The following ANKS1B variants were observed in gnomAD, a reference collection of about 807,000 sequenced individuals.
ANKS1B encodes the protein ankyrin repeat and sterile alpha motif domain containing 1B, also known as ankyrin repeat and sterile alpha motif domain-containing protein 1B.
Under a neutral mutation model 148.3 loss-of-function variants are expected in ANKS1B, and 36 were observed. The observed-to-expected ratio is 0.24, with a 90% CI of 0.19 to 0.32. ANKS1B has a LOEUF of 0.32. Among genes scored for constraint, ANKS1B ranks in the 10% least tolerant of loss-of-function variants. The pLI, the probability that ANKS1B is intolerant of heterozygous loss-of-function variation, is 1.00. For missense variants in ANKS1B, 1,157 were observed against 1,542.6 expected, an observed-to-expected ratio of 0.75 and a Z score of 4.19; for synonymous variants, 542 against 560.8, an observed-to-expected ratio of 0.97 and a Z score of 0.47.
In ANKS1B at chr12:99,984,270, C is replaced by A; in HGVS notation, c.-33G>T. 6.3e-7 allele frequency: 1 copy of A among 1,592,954 alleles called. No individual in the cohort carries two copies. The highest frequency in any genetic ancestry group is 1.7e-5 in the Admixed American group (1 of 59,022). ...CACCGACTCCCCCACAGAGTCCTTGCCCCCCTCGGGTCCTCCTCCCCACCC... is the reference window on the plus strand; with the variant it reads ...CACCGACTCCCCCACAGAGTCCTTGACCCCCTCGGGTCCTCCTCCCCACCC... On this transcript the variant is annotated 5_prime_UTR_variant, in exon 1 of 27. Transcript: ENST00000683438.
intron 1 of ANKS1B, among the ~76,000 whole-genome samples, chr12:99,965,822 G>GT (rs1447359964): frequency 2.6e-5 from 4 of 152,190 alleles, no homozygotes; most frequent in Non-Finnish European, 5.9e-5. Context: ...TGAGGCACAA[G>GT]AATCGCTTGA....
chr12:98,799,904 T>A (rs191178145), intron 21 of ANKS1B, among the ~76,000 whole-genome samples: 2 of 150,636 alleles, frequency 1.3e-5, no homozygotes, highest in Admixed American at 1.3e-4. Context: ...AAAAAGTGAA[T>A]TACAATAATT....
chr12:98,782,872 C>T (rs4995154), intron 22 of ANKS1B, among the ~76,000 whole-genome samples: 12 of 152,270 alleles, frequency 7.9e-5, no homozygotes, highest in Admixed American at 6.5e-4. Flanking sequence ...GTTAGAAACT[C>T]GTTTTAATGC....
At chr12:99,260,351 A>G (rs73140991) in intron 12 of ANKS1B, among the ~76,000 whole-genome samples, 13,317 of 152,258 alleles carry the variant, frequency 0.087, 788 homozygotes, top group South Asian at 0.14. Flanking sequence ...TTTGAATTCA[A>G]AGTCACCCAA....
chr12:99,051,061 C>T (rs2153524638), intron 17 of ANKS1B, among the ~76,000 whole-genome samples: 1 of 152,192 alleles, frequency 6.6e-6, no homozygotes, highest in South Asian at 2.1e-4. Flanking sequence ...GTGGATCAGT[C>T]CCTAAGCCCC....
intron 20 of ANKS1B, among the ~76,000 whole-genome samples, chr12:98,804,747 A>G (rs2099036717): frequency 6.6e-6 from 1 of 152,218 alleles, no homozygotes; most frequent in South Asian, 2.1e-4. Flanking sequence ...GTCAAAAAAG[A>G]AAGATTTTTG....
intron 1 of ANKS1B, among the ~76,000 whole-genome samples, chr12:99,903,242 C>T (rs1196658262): frequency 6.6e-6 from 1 of 152,190 alleles, no homozygotes; most frequent in Admixed American, 6.5e-5. Flanking sequence ...CCAGCTAGGG[C>T]ATTGGACAAC....
At chr12:99,474,484 C>A (rs1385535118) in intron 10 of ANKS1B, among the ~76,000 whole-genome samples, 1 of 151,866 alleles carries the variant, frequency 6.6e-6, no homozygotes, top group Non-Finnish European at 1.5e-5. Context: ...CCAATAAAAA[C>A]CAAACATGGG....
intron 4 of ANKS1B, among the ~76,000 whole-genome samples, chr12:99,801,204 CT>C (rs1446510646): frequency 6.6e-6 from 1 of 152,168 alleles, no homozygotes; most frequent in Non-Finnish European, 1.5e-5. Context: ...TGAGCTTTCT[CT>C]CTTATGCACA....
At chr12:99,541,228 A>T (rs985042167) in intron 9 of ANKS1B, among the ~76,000 whole-genome samples, 2 of 151,942 alleles carry the variant, frequency 1.3e-5, no homozygotes, top group Non-Finnish European at 2.9e-5. Context: ...ATGCTTCTTT[A>T]AAAAAAACAA....
chr12:99,139,886 C>T (rs1287880962), intron 15 of ANKS1B, among the ~76,000 whole-genome samples: 1 of 152,072 alleles, frequency 6.6e-6, no homozygotes, highest in African/African-American at 2.4e-5. Context: ...TTAACAAAGG[C>T]TTATCTACTT....
chr12:98,842,607 A>G (rs1206676933), intron 17 of ANKS1B, among the ~76,000 whole-genome samples: 1 of 152,202 alleles, frequency 6.6e-6, no homozygotes, highest in Non-Finnish European at 1.5e-5. Flanking sequence ...GTTTTTGAAA[A>G]AAGAATAATG....
chr12:99,807,267 T>C (rs952970299), intron 3 of ANKS1B, among the ~76,000 whole-genome samples: 4 of 152,206 alleles, frequency 2.6e-5, no homozygotes, highest in African/African-American at 9.6e-5. Context: ...AATGTTATCA[T>C]GGGTTGTGAG....
intron 9 of ANKS1B, among the ~76,000 whole-genome samples, chr12:99,610,147 T>G (rs527665116): frequency 6.6e-6 from 1 of 152,188 alleles, no homozygotes; most frequent in East Asian, 1.9e-4. Flanking sequence ...AATCAAAGTT[T>G]TATGTGACAC....
At chr12:99,880,258 A>G (rs2092394036) in intron 1 of ANKS1B, among the ~76,000 whole-genome samples, 1 of 152,210 alleles carries the variant, frequency 6.6e-6, no homozygotes, top group East Asian at 1.9e-4. Context: ...AAACAATACT[A>G]TGAGGTAGGG....
At chr12:99,855,850 G>A (rs2088935076) in intron 1 of ANKS1B, among the ~76,000 whole-genome samples, 1 of 152,024 alleles carries the variant, frequency 6.6e-6, no homozygotes, top group Non-Finnish European at 1.5e-5. Context: ...AAATTTAACA[G>A]TTCTTTGAAC....
rs559308354 is a variant in ANKS1B at position 99,178,218 on chromosome 12, T to C, written c.2420-23823A>G. On this transcript the variant is annotated intron_variant, in intron 14 of 26. Coordinates refer to ENST00000683438, the MANE Select transcript of ANKS1B (RefSeq NM_001352186.2). Reference sequence around the variant, plus strand: ...TCCAACAGCTTGGCTTTCTGTGGCATAGACAAACATTAATTCTTCCTCTTT... The same window carrying C: ...TCCAACAGCTTGGCTTTCTGTGGCACAGACAAACATTAATTCTTCCTCTTT... 3.7e-4 allele frequency among the ~76,000 whole-genome samples: 56 copies of C among 152,356 alleles called. 1 individual carries two copies. In the South Asian group the frequency reaches 0.011, roughly 29 times the overall value.
At chr12:99,050,342 C>A (rs1455761111) in intron 17 of ANKS1B, among the ~76,000 whole-genome samples, 2 of 152,122 alleles carry the variant, frequency 1.3e-5, no homozygotes, top group Non-Finnish European at 2.9e-5. Flanking sequence ...TTTCTGATTT[C>A]CAAGTCTGAA....
intron 17 of ANKS1B, among the ~76,000 whole-genome samples, chr12:98,994,648 G>A (rs1417764031): frequency 2.6e-5 from 4 of 152,098 alleles, no homozygotes; most frequent in Non-Finnish European, 4.4e-5. Flanking sequence ...ACAGTTTTGG[G>A]GGTTAGAAGT....
Sources: gnomAD v4.1 joint callset for allele counts (sites outside exome capture counted in the v4.1 genomes callset) on GRCh38, gnomAD v4.1.1 for gene constraint, MANE v1.5 for transcripts, NCBI Gene and HGNC (gene_info 2026-07-23, HGNC 2026-07-21) for gene names.